The following ADAM12 variants were observed in gnomAD, a reference collection of about 807,000 sequenced individuals.
ADAM12 encodes the protein disintegrin and metalloproteinase domain-containing protein 12.
A neutral mutation model predicts 106.4 loss-of-function variants in ADAM12; 70 were observed. The ratio of observed to expected loss-of-function variants is 0.66; its 90% CI spans 0.54 to 0.80. The LOEUF is 0.80. ADAM12 is among the 30% of genes least tolerant of loss of function. ADAM12 has a pLI of 0.00. For missense variants in ADAM12, 1,010 were observed against 1,171.9 expected (o/e 0.86, Z 2.02); for synonymous variants, 420 against 433.5 (o/e 0.97, Z 0.39).
chr10:126,231,766 C>T lies in ADAM12; in HGVS notation c.260+47149G>A, dbSNP rs148547487. Among the ~76,000 whole-genome samples, 7 of 152,316 alleles carry T rather than the reference C, an allele frequency of 4.6e-5. No homozygotes were observed. The East Asian group carries it at 9.6e-4, about 21-fold the overall frequency. On this transcript the variant is annotated intron_variant, in intron 3 of 22. Coordinates refer to ENST00000448723, the MANE Select transcript of ADAM12 (RefSeq NM_001288973.2). ...CCTCGGGGCGGCTGCTCTCTGTTGGCGCCTCCTCCTCTTCCCAACCTCAGT... is the reference window on the plus strand; with the variant it reads ...CCTCGGGGCGGCTGCTCTCTGTTGGTGCCTCCTCCTCTTCCCAACCTCAGT...
At chr10:126,300,115 C>T (rs1007018816) in intron 2 of ADAM12, among the ~76,000 whole-genome samples, 11 of 152,242 alleles carry the variant, frequency 7.2e-5, no homozygotes, top group Admixed American at 5.9e-4. Flanking sequence ...GAGCATGCAA[C>T]GTTCTGCAGT....
intron 3 of ADAM12, among the ~76,000 whole-genome samples, chr10:126,167,690 T>C (rs1957048501): frequency 6.6e-6 from 1 of 152,218 alleles, no homozygotes; most frequent in South Asian, 2.1e-4. Flanking sequence ...GCAAATAGTC[T>C]ATAGACTAGA....
intron 3 of ADAM12, among the ~76,000 whole-genome samples, chr10:126,266,309 G>T (rs898883384): frequency 6.6e-6 from 1 of 152,176 alleles, no homozygotes; most frequent in African/African-American, 2.4e-5. Flanking sequence ...AGCAGCAGGT[G>T]CAGGGTGGGA....
chr10:126,329,231 C>T (rs970273420), intron 2 of ADAM12, among the ~76,000 whole-genome samples: 8 of 152,050 alleles, frequency 5.3e-5, no homozygotes, highest in African/African-American at 1.9e-4. Context: ...GCATTCTGTA[C>T]TTCTAACTTG....
At position 126,309,122 on chromosome 10, in the gene ADAM12, C is replaced by T. The variant is rs116491189; in HGVS notation, c.186+21290G>A. Among the ~76,000 whole-genome samples, 1,446 of 152,306 alleles carry T rather than the reference C, an allele frequency of 9.5e-3. 17 individuals are homozygous for T. The highest frequency in any genetic ancestry group is 0.033 in the African/African-American group (1,366 of 41,552). ...AGTGGACACATGGCCCAGGCTTGGC[C>T]AATCACCGTATTCTACACCTTTTGA... On this transcript the variant is annotated intron_variant, in intron 2 of 22. Transcript: ENST00000448723.
intron 5 of ADAM12, among the ~76,000 whole-genome samples, chr10:126,123,742 G>T (rs1486923295): frequency 6.6e-6 from 1 of 152,172 alleles, no homozygotes; most frequent in Admixed American, 6.5e-5. Flanking sequence ...ACACTCGCCT[G>T]CTTCCCTTTG....
intron 1 of ADAM12, among the ~76,000 whole-genome samples, chr10:126,384,614 C>T (rs891534660): frequency 2.0e-5 from 3 of 152,088 alleles, no homozygotes; most frequent in African/African-American, 7.2e-5. Context: ...CATGGCTAGA[C>T]TACCTGATGT....
chr10:126,243,836 A>G lies in ADAM12; in HGVS notation c.260+35079T>C, dbSNP rs1306939386. 2.0e-5 allele frequency among the ~76,000 whole-genome samples: 3 copies of G among 152,172 alleles called. No individual in the cohort carries two copies. In the East Asian group the frequency reaches 5.8e-4, roughly 29 times the overall value. ...TTTTTCAGAGGTAGGAGGGCTTCTGATTGTCGTGGGATGGCACAGACATTG... is the reference window on the plus strand; with the variant it reads ...TTTTTCAGAGGTAGGAGGGCTTCTGGTTGTCGTGGGATGGCACAGACATTG... On this transcript the variant is annotated intron_variant, in intron 3 of 22. Transcript: ENST00000448723.
At chr10:126,319,287 C>G (rs2133831110) in intron 2 of ADAM12, among the ~76,000 whole-genome samples, 1 of 152,276 alleles carries the variant, frequency 6.6e-6, no homozygotes, top group South Asian at 2.1e-4. Flanking sequence ...CCAGGCAACA[C>G]AGCATGGGAA....
intron 2 of ADAM12, among the ~76,000 whole-genome samples, chr10:126,316,354 C>G (rs1020212688): frequency 6.6e-6 from 1 of 152,240 alleles, no homozygotes; most frequent in South Asian, 2.1e-4. Context: ...AATCTCTAAT[C>G]GTAATTTCTT....
At chr10:126,294,791 TACAG>T (rs1158990827) in intron 2 of ADAM12, among the ~76,000 whole-genome samples, 1 of 152,124 alleles carries the variant, frequency 6.6e-6, no homozygotes, top group Non-Finnish European at 1.5e-5. Flanking sequence ...CCTGAACTCC[TACAG>T]ACAAATCTTT....
intron 3 of ADAM12, among the ~76,000 whole-genome samples, chr10:126,187,326 T>TAAAAAAA (rs10638442): frequency 3.4e-5 from 5 of 148,488 alleles, no homozygotes; most frequent in African/African-American, 9.9e-5. Context: ...GGAAATGAAA[T>TAAAAAAA]AAAAAAAAAA....
chr10:126,097,017 G>A (rs779420535), intron 10 of ADAM12, among the ~76,000 whole-genome samples: 3 of 152,052 alleles, frequency 2.0e-5, no homozygotes, highest in Non-Finnish European at 2.9e-5. Context: ...GAAGAAAGCC[G>A]CTTACTCTGG....
At chr10:126,183,211 A>G (rs1220407260) in intron 3 of ADAM12, among the ~76,000 whole-genome samples, 3 of 152,328 alleles carry the variant, frequency 2.0e-5, no homozygotes, top group Middle Eastern at 6.8e-3. Context: ...CTGATTCTAC[A>G]TATTATGAGT....
rs145288308 is a variant in ADAM12, at chr10:126,076,276, G to A, written c.1146-4622C>T. 3.9e-4 allele frequency among the ~76,000 whole-genome samples: 60 copies of A among 152,334 alleles called. No individual in the cohort carries two copies. The East Asian group carries it at 5.4e-3, about 14-fold the overall frequency. On this transcript the variant is annotated intron_variant, in intron 11 of 22. Coordinates refer to ENST00000448723, the MANE Select transcript of ADAM12 (RefSeq NM_001288973.2). ...ACATAATTTCGTTCTTTTGATGGCT[G>A]TGTAGTATTCCATACCACGTTTTCT...
chr10:126,054,185 G>A (rs571967391), intron 14 of ADAM12, among the ~76,000 whole-genome samples: 1 of 152,298 alleles, frequency 6.6e-6, no homozygotes, highest in South Asian at 2.1e-4. Flanking sequence ...CCCAGTGGGT[G>A]TATATTCATA....
At chr10:126,286,840 A>G (rs1959888137) in intron 2 of ADAM12, among the ~76,000 whole-genome samples, 1 of 152,194 alleles carries the variant, frequency 6.6e-6, no homozygotes, top group South Asian at 2.1e-4. Flanking sequence ...TTAGCCAACA[A>G]CCTGTTAAAA....
At chr10:126,118,690 G>A in intron 5 of ADAM12, among the ~76,000 whole-genome samples, 1 of 152,138 alleles carries the variant, frequency 6.6e-6, no homozygotes, top group Non-Finnish European at 1.5e-5. Context: ...TGAAGTCTAG[G>A]ATTTTAGTGC....
intron 3 of ADAM12, among the ~76,000 whole-genome samples, chr10:126,233,662 C>G: frequency 6.6e-6 from 1 of 152,126 alleles, no homozygotes; most frequent in East Asian, 1.9e-4. Context: ...TCAACCATCT[C>G]GTGGGAGCTT....
Sources: gnomAD v4.1 joint callset for allele counts (sites outside exome capture counted in the v4.1 genomes callset) on GRCh38, gnomAD v4.1.1 for gene constraint, MANE v1.5 for transcripts, NCBI Gene and HGNC (gene_info 2026-07-23, HGNC 2026-07-21) for gene names.